SYNPO2: variants seen among roughly 807,000 people sequenced by gnomAD.
SYNPO2 encodes synaptopodin 2, also known as synaptopodin-2.
SYNPO2 carries 56 observed loss-of-function variants against 85.0 expected under a neutral mutation model. The observed-to-expected ratio is 0.66, with a 90% CI of 0.53 to 0.82. The LOEUF is 0.82. SYNPO2 is among the 40% of genes least tolerant of loss of function. The pLI, the probability that SYNPO2 is intolerant of heterozygous loss-of-function variation, is 0.00. For synonymous variants in SYNPO2, 602 were observed against 591.1 expected (o/e 1.02, Z -0.27); for missense variants, 1,575 against 1,534.2 (o/e 1.03, Z -0.44).
intron 1 of SYNPO2, among the ~76,000 whole-genome samples, chr4:119,003,667 T>A (rs1478060680): frequency 6.6e-6 from 1 of 152,194 alleles, no homozygotes; most frequent in Non-Finnish European, 1.5e-5. Flanking sequence ...CAGTATAGTC[T>A]CTATGTTTGC....
At chr4:118,976,870 G>T (rs1439708982) in intron 1 of SYNPO2, among the ~76,000 whole-genome samples, 13 of 152,088 alleles carry the variant, frequency 8.5e-5, no homozygotes, top group African/African-American at 3.1e-4. Context: ...GTGTCGATTG[G>T]TGCACTCACA....
intron 1 of SYNPO2, among the ~76,000 whole-genome samples, chr4:118,936,239 T>C (rs1734095510): frequency 6.6e-6 from 1 of 152,292 alleles, no homozygotes; most frequent in Non-Finnish European, 1.5e-5. Flanking sequence ...GAACACTCTC[T>C]GATGTTCGCC....
intron 1 of SYNPO2, among the ~76,000 whole-genome samples, chr4:118,872,351 G>T (rs1165996749): frequency 1.3e-5 from 2 of 152,178 alleles, no homozygotes; most frequent in Non-Finnish European, 2.9e-5. Flanking sequence ...GTCATAAGAT[G>T]TTTGTGGCTA....
chr4:118,871,655 G>A (rs980539623), intron 1 of SYNPO2, among the ~76,000 whole-genome samples: 1 of 150,220 alleles, frequency 6.7e-6, no homozygotes, highest in African/African-American at 2.5e-5. Flanking sequence ...TGCAAGCTCC[G>A]CCTTCCGGGT....
rs188967375 is a variant in SYNPO2 at position 119,015,210 on chromosome 4, G to A, written c.106-8220G>A. Among the ~76,000 whole-genome samples, 638 of 152,288 alleles carry A rather than the reference G, an allele frequency of 4.2e-3. 2 individuals carry two copies. Among genetic ancestry groups the A allele is most frequent in the Non-Finnish European group, 7.3e-3 (495 of 68,018 alleles). On this transcript the variant is annotated intron_variant, in intron 1 of 4. Coordinates refer to ENST00000307142, the MANE Select transcript of SYNPO2 (RefSeq NM_133477.3). ...CCCTAATAGCTTAAATGCTTTGCTCGAAATCACATGAGTTAGTGACAGAAT... is the reference window on the plus strand; with the variant it reads ...CCCTAATAGCTTAAATGCTTTGCTCAAAATCACATGAGTTAGTGACAGAAT...
At chr4:118,991,556 CAA>C (rs1736415534) in intron 1 of SYNPO2, among the ~76,000 whole-genome samples, 1 of 152,176 alleles carries the variant, frequency 6.6e-6, no homozygotes, top group Non-Finnish European at 1.5e-5. Context: ...AGCCTTCTAT[CAA>C]AGTCTAAGAT....
intron 1 of SYNPO2, among the ~76,000 whole-genome samples, chr4:118,891,344 CAA>C (rs981018622): frequency 3.3e-5 from 5 of 151,932 alleles, no homozygotes; most frequent in East Asian, 1.9e-4. Flanking sequence ...TTTGTGTGTG[CAA>C]GAGAGAGAGA....
At chr4:118,909,016 T>C (rs1489719330) in intron 1 of SYNPO2, among the ~76,000 whole-genome samples, 2 of 152,142 alleles carry the variant, frequency 1.3e-5, no homozygotes, top group Non-Finnish European at 2.9e-5. Flanking sequence ...TTCTGATCCA[T>C]TGTTCAATTA....
chr4:119,035,850 T>C (rs1225054486), intron 4 of SYNPO2: 1 of 984,140 alleles, frequency 1.0e-6, no homozygotes, highest in African/African-American at 1.8e-5. Flanking sequence ...TGATCTACAT[T>C]GAAAGGGGGT....
At chr4:118,930,589 G>A (rs1733892050) in intron 1 of SYNPO2, among the ~76,000 whole-genome samples, 2 of 151,976 alleles carry the variant, frequency 1.3e-5, no homozygotes, top group Admixed American at 1.3e-4. Flanking sequence ...TAAATGAGGG[G>A]TTCTATCTGG....
chr4:119,005,957 C>G (rs1182849993), intron 1 of SYNPO2: 1 of 152,182 alleles, frequency 6.6e-6, no homozygotes, highest in Non-Finnish European at 1.5e-5. Flanking sequence ...AAATGGTTTC[C>G]TATTGAACCA....
intron 1 of SYNPO2, among the ~76,000 whole-genome samples, chr4:118,905,286 C>G (rs1226516341): frequency 6.6e-6 from 1 of 152,174 alleles, no homozygotes; most frequent in Non-Finnish European, 1.5e-5. Context: ...TCCTTCTTCT[C>G]TCTATTCACT....
rs181301743 is a variant in SYNPO2, at chr4:118,866,814, T to A, written c.12+15874T>A. Among the ~76,000 whole-genome samples, 22 of 152,242 alleles carry A rather than the reference T, an allele frequency of 1.4e-4. No homozygotes were observed. In the East Asian group the frequency reaches 4.3e-3, roughly 29 times the overall value. ...CTTCTCCTTCAGCCACGACTGTAGG[T>A]TTCATGAGGCCTCACCAGCCATGTG... is the stretch of plus-strand genomic sequence containing the variant. On this transcript the variant is annotated intron_variant, in intron 1 of 4. Coordinates refer to the SYNPO2 transcript ENST00000610556.
At chr4:118,945,369 G>T (rs1425630879) in intron 1 of SYNPO2, among the ~76,000 whole-genome samples, 2 of 152,134 alleles carry the variant, frequency 1.3e-5, no homozygotes, top group Admixed American at 1.3e-4. Context: ...AATTATCCAT[G>T]ACATAACCCT....
Position 119,026,816 on chromosome 4 carries a change from T to C in SYNPO2, c.447T>C (p.Gly149=). The part of the protein sequence containing the change: ...EVPLAENQRS[G]PDCAGSLKEE... The stretch of plus-strand genomic sequence containing the variant: ...CCCTAGCTGAGAACCAAAGAAGTGG[T>C]CCCGACTGTGCAGGCAGCTTGAAAG... Residue 149 remains glycine (G), a synonymous_variant, in exon 3 of 5, where the codon GGT becomes GGC. Coordinates refer to ENST00000307142, the MANE Select transcript of SYNPO2 (RefSeq NM_133477.3). 1 of 1,613,244 alleles carries C rather than the reference T, an allele frequency of 6.2e-7. No individual in the cohort carries two copies. Among genetic ancestry groups the C allele is most frequent in the Non-Finnish European group, 8.5e-7 (1 of 1,179,748 alleles).
chr4:118,898,267 T>C (rs368534677), intron 1 of SYNPO2, among the ~76,000 whole-genome samples: 2 of 152,184 alleles, frequency 1.3e-5, no homozygotes, highest in South Asian at 4.1e-4. Flanking sequence ...ACCTCCTCAG[T>C]AGCCCCTATT....
In SYNPO2 at chr4:119,031,794, C is replaced by G. The variant is rs1738280412; in HGVS notation, c.3019C>G (p.Pro1007Ala). ...NSALAMKQAL[P>A]PRPVNAASPT... The stretch of plus-strand genomic sequence containing the variant: ...AGCCCTGGCCATGAAGCAAGCTCTT[C>G]CTCCCCGGCCAGTGAATGCTGCCTC... The change falls in exon 4 of 5, where the codon CCT becomes GCT. Residue 1007 changes from proline (P) to alanine (A), a missense_variant. Coordinates refer to ENST00000307142, the MANE Select transcript of SYNPO2 (RefSeq NM_133477.3). The G allele has an allele frequency of 6.2e-7, 1 of 1,614,106 alleles. No homozygotes were observed. The highest frequency in any genetic ancestry group is 1.3e-5 in the African/African-American group (1 of 74,936).
intron 1 of SYNPO2, among the ~76,000 whole-genome samples, chr4:118,987,508 A>C (rs1736263497): frequency 6.6e-6 from 1 of 152,098 alleles, no homozygotes; most frequent in Admixed American, 6.6e-5. Context: ...ACAAAAAATA[A>C]AACAAAGTTC....
chr4:118,951,774 G>A (rs1025417529), intron 1 of SYNPO2, among the ~76,000 whole-genome samples: 1 of 152,126 alleles, frequency 6.6e-6, no homozygotes, highest in Non-Finnish European at 1.5e-5. Flanking sequence ...CCACTCTGGA[G>A]GCTAGAAATA....
Sources: allele counts gnomAD v4.1 joint callset (sites outside exome capture counted in the v4.1 genomes callset), GRCh38; gene constraint gnomAD v4.1.1; transcripts MANE v1.5; gene names NCBI Gene and HGNC (gene_info 2026-07-23, HGNC 2026-07-21).